ZNF264: variants seen among roughly 807,000 people sequenced by gnomAD.
ZNF264 encodes zinc finger protein 264.
Under a neutral mutation model 11.2 loss-of-function variants are expected in ZNF264, and 11 were observed. The ratio of observed to expected loss-of-function variants is 0.98; its 90% CI spans 0.62 to 1.63. ZNF264 has a LOEUF of 1.63. Ranked by LOEUF, ZNF264 falls within the 40% of genes most tolerant of loss-of-function variation. ZNF264 has a pLI of 0.00. For synonymous variants in ZNF264, 309 were observed against 279.8 expected (o/e 1.10, Z -1.04); for missense variants, 752 against 768.1 (o/e 0.98, Z 0.25).
intron 2 of ZNF264, among the ~76,000 whole-genome samples, chr19:57,196,586 A>G (rs1319106057): frequency 6.6e-6 from 1 of 151,934 alleles, no homozygotes; most frequent in Non-Finnish European, 1.5e-5. Flanking sequence ...CATCCCTGCC[A>G]CTATGACCAT....
Position 57,211,766 on chromosome 19 carries a change from A to C in ZNF264, c.669A>C (p.Lys223Asn). The change falls in exon 4 of 4, where the codon AAA becomes AAC. Residue 223 changes from lysine to asparagine, a missense_variant. By Grantham distance (94) the Lys-to-Asn change is moderately conservative. Coordinates refer to ENST00000263095, the MANE Select transcript of ZNF264 (RefSeq NM_003417.5). ...AACACCTCCTTGCTGGACATGAGAA[A>C]ATTCACTCTGGAGTTAAGCCCTATG... ...NKKHLLAGHE[K>N]IHSGVKPYEC... The C allele has an allele frequency of 6.2e-7, 1 of 1,614,196 alleles. No individual in the cohort carries two copies.
At position 57,193,947 on chromosome 19, in the gene ZNF264, C is replaced by T. The variant is rs201456129; in HGVS notation, c.106C>T (p.Arg36Trp). 37 of 1,613,750 alleles carry T rather than the reference C, an allele frequency of 2.3e-5. No homozygotes were observed. Among genetic ancestry groups the T allele is most frequent in the South Asian group, 1.4e-4 (13 of 91,066 alleles). ...EEWGQLDLAQ[R>W]TLYQEVMLEN... is the part of the protein sequence containing the mutation. The stretch of plus-strand genomic sequence containing the variant: ...GTGGGGGCAGCTGGACCTAGCTCAG[C>T]GGACCCTGTACCAGGAGGTGATGCT... Residue 36 changes from arginine (R) to tryptophan (W), a missense_variant, in exon 2 of 4, where the codon CGG (arginine) becomes TGG (tryptophan). By Grantham distance (101) the Arg-to-Trp change is moderately radical. Transcript: ENST00000263095.
At chr19:57,197,278 C>A (rs557222080) in intron 2 of ZNF264, among the ~76,000 whole-genome samples, 7 of 151,718 alleles carry the variant, frequency 4.6e-5, no homozygotes, top group African/African-American at 1.7e-4. Flanking sequence ...TGCTGCTGTG[C>A]GTGACCCACT....
rs766948297 is a variant in ZNF264, at chr19:57,212,369, G to A, written c.1272G>A (p.Glu424=). ...GGCACCAGCGGATTCACACTGGGGA[G>A]AAGCCCTTCGTGTGCAGTGAATGTG... ...LKRHQRIHTG[E]KPFVCSECGK... is the part of the protein sequence containing the mutation. The change falls in exon 4 of 4, where the codon GAG becomes GAA. Residue 424 remains glutamate, a synonymous_variant. Transcript: ENST00000263095. 91 of 1,614,048 alleles carry A rather than the reference G, an allele frequency of 5.6e-5. No individual in the cohort carries two copies. Among genetic ancestry groups the A allele is most frequent in the Middle Eastern group, 5.0e-4 (3 of 6,060 alleles).
chr19:57,191,552 T>C lies in ZNF264; in HGVS notation c.-362T>C. On this transcript the variant is annotated 5_prime_UTR_variant, in exon 1 of 4. Coordinates refer to ENST00000263095, the MANE Select transcript of ZNF264 (RefSeq NM_003417.5). ...GGTCTGTAGCCACTGAGGGCCCCGG[T>C]CGGGGCCGCTTTGCAGGTCCCTAGT... 1 of 251,620 alleles carries C rather than the reference T, an allele frequency of 4.0e-6. No individual in the cohort carries two copies. Among genetic ancestry groups the C allele is most frequent in the Non-Finnish European group, 7.5e-6 (1 of 132,804 alleles). The allele number at this position is 251,620 out of a possible 1,614,324, so 15.6% of individuals were successfully genotyped here.
intron 2 of ZNF264, among the ~76,000 whole-genome samples, chr19:57,200,487 TC>T (rs1485402871): frequency 2.0e-5 from 3 of 151,304 alleles, no homozygotes; most frequent in African/African-American, 4.9e-5. Context: ...CCTGTTTTAC[TC>T]CCCCACCCCA....
chr19:57,212,910 C>G lies in ZNF264; in HGVS notation c.1813C>G (p.Pro605Ala). ...TGTAACCACTGAGGCAAATATTTTGCCAGAGGAAACATCTTCCTCTGCATC... is the reference window on the plus strand; with the variant it reads ...TGTAACCACTGAGGCAAATATTTTGGCAGAGGAAACATCTTCCTCTGCATC... ...LNVTTEANIL[P>A]EETSSSASDQ... The change falls in exon 4 of 4, where the codon CCA becomes GCA. Residue 605 changes from proline (P) to alanine (A), a missense_variant. Pro to Ala is a conservative substitution (Grantham distance 27, BLOSUM62 -1). Transcript: ENST00000263095. The G allele has an allele frequency of 6.2e-7, 1 of 1,614,136 alleles. No homozygotes were observed. The highest frequency in any genetic ancestry group is 1.3e-5 in the African/African-American group (1 of 75,046).
chr19:57,197,570 C>T (rs571752450), intron 2 of ZNF264, among the ~76,000 whole-genome samples: 2 of 152,036 alleles, frequency 1.3e-5, no homozygotes, highest in Admixed American at 6.5e-5. Flanking sequence ...GAGCAGCTTG[C>T]ACAGCAGCCT....
chr19:57,218,180 C>T lies in ZNF264; in HGVS notation c.*5199C>T, dbSNP rs2087393801. ...AGAGTAACAAATGTTCTTTGTTTTC[C>T]TTCCTCTAAAGATGTCTTTATGTTT... On this transcript the variant is annotated 3_prime_UTR_variant, in exon 4 of 4. Transcript: ENST00000263095. 1 of 152,058 alleles carries T rather than the reference C, an allele frequency of 6.6e-6. No individual in the cohort carries two copies. The highest frequency in any genetic ancestry group is 2.4e-5 in the African/African-American group (1 of 41,390). The allele number at this position is 152,058 out of a possible 1,614,324, so 9.4% of individuals were successfully genotyped here. A position where few individuals can be genotyped will look rare whatever the true frequency, so the allele number is the denominator to read the frequency against.
chr19:57,218,290 C>T lies in ZNF264; in HGVS notation c.*5309C>T, dbSNP rs2087394391. On this transcript the variant is annotated 3_prime_UTR_variant, in exon 4 of 4. Coordinates refer to ENST00000263095, the MANE Select transcript of ZNF264 (RefSeq NM_003417.5). ...TTTTAGACTTCAGAGATGTATCTCT[C>T]TGTTCTGTACATTATTGTTTAATAT... The T allele has an allele frequency of 6.6e-6, 1 of 152,174 alleles. No homozygotes were observed. The highest frequency in any genetic ancestry group is 2.4e-5 in the African/African-American group (1 of 41,446). The allele number at this position is 152,174 out of a possible 1,614,324, so 9.4% of individuals were successfully genotyped here.
chr19:57,218,110 A>T lies in ZNF264; in HGVS notation c.*5129A>T, dbSNP rs1202602136. On this transcript the variant is annotated 3_prime_UTR_variant, in exon 4 of 4. Transcript: ENST00000263095. The stretch of plus-strand genomic sequence containing the variant: ...TTGAAATCCCAAACCTTCTATTAAC[A>T]TTTCTTTTCAGTTATACACTGAACT... The T allele has an allele frequency of 6.6e-6, 1 of 151,978 alleles. No individual in the cohort carries two copies. Among genetic ancestry groups the T allele is most frequent in the African/African-American group, 2.4e-5 (1 of 41,362 alleles). 9.4% of individuals were successfully genotyped at this position (151,978 alleles called of 1,614,324 possible). A position where few individuals can be genotyped will look rare whatever the true frequency, so the allele number is the denominator to read the frequency against.
rs140953934 is a variant in ZNF264, at chr19:57,211,720, G to T, written c.623G>T (p.Cys208Phe). ...EEENNFKCSE[C>F]GKVFNKKHLL... ...GAAAATAACTTTAAATGCAGTGAAT[G>T]TGGAAAAGTATTTAACAAGAAACAC... Residue 208 changes from cysteine to phenylalanine, a missense_variant, in exon 4 of 4, where the codon TGT becomes TTT. By Grantham distance (205) the Cys-to-Phe change is radical (BLOSUM62 -2). Coordinates refer to ENST00000263095, the MANE Select transcript of ZNF264 (RefSeq NM_003417.5). 5.3e-4 allele frequency: 857 copies of T among 1,614,174 alleles called. 2 individuals carry two copies. Among genetic ancestry groups the T allele is most frequent in the Non-Finnish European group, 6.0e-4 (708 of 1,180,022 alleles).
In ZNF264 at chr19:57,216,204, T is replaced by C. The variant is rs2087379055; in HGVS notation, c.*3223T>C. 6.6e-6 allele frequency: 1 copy of C among 152,216 alleles called. No individual in the cohort carries two copies. The highest frequency in any genetic ancestry group is 2.4e-5 in the African/African-American group (1 of 41,444). The allele number at this position is 152,216 out of a possible 1,614,324, so 9.4% of individuals were successfully genotyped here. A position where few individuals can be genotyped will look rare whatever the true frequency, so the allele number is the denominator to read the frequency against. ...CCCTGTCTACTAAAAATACAAAAAT[T>C]AGCCAGGCATGGTGGCGTGTGCCTG... On this transcript the variant is annotated 3_prime_UTR_variant, in exon 4 of 4. Transcript: ENST00000263095.
intron 3 of ZNF264, among the ~76,000 whole-genome samples, chr19:57,207,545 C>CT (rs757880568): frequency 0.03 from 3,111 of 103,074 alleles, 67 homozygotes; most frequent in Non-Finnish European, 0.037. Flanking sequence ...TTTTTCTTTT[C>CT]TTTTTTTTTT....
At chr19:57,195,568 T>C (rs1489798617) in intron 2 of ZNF264, among the ~76,000 whole-genome samples, 1 of 149,588 alleles carries the variant, frequency 6.7e-6, no homozygotes, top group East Asian at 1.9e-4. Flanking sequence ...TAGTCCTGCC[T>C]GGATTGGGCT....
chr19:57,194,859 A>T (rs1419767568), intron 2 of ZNF264: 4 of 400,080 alleles, frequency 1.0e-5, no homozygotes, highest in Admixed American at 4.4e-5. Context: ...CACACTGAGC[A>T]TTGAATACTT....
At position 57,211,367 on chromosome 19, in the gene ZNF264, A is replaced by T; in HGVS notation, c.270A>T (p.Lys90Asn). The T allele has an allele frequency of 6.2e-7, 1 of 1,603,236 alleles. No individual in the cohort carries two copies. The change falls in exon 4 of 4, where the codon AAA becomes AAT. Residue 90 changes from lysine (K) to asparagine (N), a missense_variant. By Grantham distance (94) the Lys-to-Asn change is moderately conservative (BLOSUM62 0). Transcript: ENST00000263095. ...GATTTCTTTCAGGCGACAAAGGAAA[A>T]CCTAAGACCACAGAACCTACCACTT... ...SQDTCPGDKG[K>N]PKTTEPTTCE...
chr19:57,202,647 C>T lies in ZNF264; in HGVS notation c.161-2750C>T, dbSNP rs184668822. Among the ~76,000 whole-genome samples, 155 of 151,960 alleles carry T rather than the reference C, an allele frequency of 1.0e-3. 2 individuals carry two copies. The highest frequency in any genetic ancestry group is 1.7e-3 in the Non-Finnish European group (114 of 68,018). ...CAAGAGGTCACAGTTGAGTGAGCTT[C>T]CAGGTGGTCCCCCCAGGAAGGGCAT... On this transcript the variant is annotated intron_variant, in intron 2 of 3. Coordinates refer to ENST00000263095, the MANE Select transcript of ZNF264 (RefSeq NM_003417.5).
At chr19:57,195,362 AAAG>A (rs2087204515) in intron 2 of ZNF264, among the ~76,000 whole-genome samples, 1 of 152,232 alleles carries the variant, frequency 6.6e-6, no homozygotes, top group African/African-American at 2.4e-5. Context: ...GTTTTTAATA[AAAG>A]AAGGAGGAAA....
Sources: allele counts gnomAD v4.1 joint callset (sites outside exome capture counted in the v4.1 genomes callset), GRCh38; gene constraint gnomAD v4.1.1; transcripts MANE v1.5; gene names NCBI Gene and HGNC (gene_info 2026-07-23, HGNC 2026-07-21).